The following RSBN1L variants were observed in gnomAD, a reference collection of about 807,000 sequenced individuals.
The protein encoded by RSBN1L is lysine-specific demethylase RSBN1L.
A neutral mutation model predicts 67.7 loss-of-function variants in RSBN1L; 30 were observed. That is an observed-to-expected ratio of 0.44 (90% CI 0.33 to 0.60). The LOEUF (loss-of-function observed/expected upper bound fraction) is 0.60. Ranked by LOEUF, RSBN1L falls within the 20% of genes least tolerant of loss-of-function variation. The pLI is 0.02. For synonymous variants in RSBN1L, 433 were observed against 387.0 expected (o/e 1.12, Z -1.39); for missense variants, 992 against 1,031.7 (o/e 0.96, Z 0.53).
At chr7:77,763,304 C>G (rs1562807997) in intron 3 of RSBN1L, among the ~76,000 whole-genome samples, 1 of 151,972 alleles carries the variant, frequency 6.6e-6, no homozygotes, top group Non-Finnish European at 1.5e-5. Flanking sequence ...AGATATATTT[C>G]AAAGCACTTG....
At chr7:77,752,804 C>T (rs1791571031) in intron 3 of RSBN1L, among the ~76,000 whole-genome samples, 1 of 152,194 alleles carries the variant, frequency 6.6e-6, no homozygotes, top group African/African-American at 2.4e-5. Context: ...GTGCCAACCC[C>T]CCAGTCCCAC....
chr7:77,765,232 C>G (rs1027771788), intron 3 of RSBN1L, among the ~76,000 whole-genome samples: 4 of 151,032 alleles, frequency 2.6e-5, no homozygotes, highest in African/African-American at 9.9e-5. Context: ...TGTCTTAACT[C>G]TGTTTTCATA....
intron 2 of RSBN1L, among the ~76,000 whole-genome samples, chr7:77,739,373 T>C (rs1791378322): frequency 6.6e-6 from 1 of 152,110 alleles, no homozygotes; most frequent in Non-Finnish European, 1.5e-5. Flanking sequence ...AAAATAGATG[T>C]CAAGTATGTC....
intron 1 of RSBN1L, among the ~76,000 whole-genome samples, chr7:77,717,436 G>C (rs1791062887): frequency 6.6e-6 from 1 of 152,116 alleles, no homozygotes; most frequent in African/African-American, 2.4e-5. Context: ...TGTTATAACA[G>C]TGAGAAGCTA....
chr7:77,773,433 G>A, intron 6 of RSBN1L, 119 bp downstream of exon 6: 1 of 631,216 alleles, frequency 1.6e-6, no homozygotes. Context: ...ACCCGTATTT[G>A]GATATCTTAA....
intron 2 of RSBN1L, among the ~76,000 whole-genome samples, chr7:77,741,701 AAAAAAG>A (rs1245183566): frequency 6.6e-6 from 1 of 151,902 alleles, no homozygotes; most frequent in Non-Finnish European, 1.5e-5. Flanking sequence ...CAAAAAAAAA[AAAAAAG>A]AAAAGAAAAG....
At chr7:77,746,611 C>A (rs954353756) in intron 2 of RSBN1L, among the ~76,000 whole-genome samples, 6 of 152,166 alleles carry the variant, frequency 3.9e-5, no homozygotes, top group Admixed American at 2.6e-4. Context: ...AACAGTCCCC[C>A]CAAATCTTAA....
At chr7:77,727,332 C>G (rs1791217639) in intron 1 of RSBN1L, among the ~76,000 whole-genome samples, 1 of 152,208 alleles carries the variant, frequency 6.6e-6, no homozygotes, top group Admixed American at 6.5e-5. Context: ...AGTGATCTGT[C>G]TGTCTCGGCC....
At chr7:77,710,640 G>T (rs1028511331) in intron 1 of RSBN1L, among the ~76,000 whole-genome samples, 7 of 152,086 alleles carry the variant, frequency 4.6e-5, no homozygotes, top group African/African-American at 1.4e-4. Flanking sequence ...CTGTTGCTCA[G>T]GTTGGAGTGT....
chr7:77,773,161 TA>T lies in RSBN1L; in HGVS notation c.1646del (p.Asn549IlefsTer27). Reference protein sequence around the residue: ...PFKRKRTTNEIKNLQYLPRTS... With the variant: ...PFKRKRTTNEXKNLQYLPRTS... ...TTAAAAAACAGAACTACCAATGAAA[TA>T]AAAAATCTTCAGTACCTACCTCGAA... On this transcript the variant is annotated frameshift_variant, in exon 6 of 8. Transcript: ENST00000334955. LOFTEE classifies it high-confidence loss of function. 1 of 1,583,622 alleles carries T rather than the reference TA, an allele frequency of 6.3e-7. No individual in the cohort carries two copies. The highest frequency in any genetic ancestry group is 8.6e-7 in the Non-Finnish European group (1 of 1,168,474).
intron 1 of RSBN1L, among the ~76,000 whole-genome samples, chr7:77,730,976 T>C (rs1264223110): frequency 1.3e-5 from 2 of 152,344 alleles, no homozygotes; most frequent in African/African-American, 2.4e-5. Context: ...GGCTGTACCA[T>C]TTTACATTCG....
chr7:77,768,818 C>G lies in RSBN1L; in HGVS notation c.1625+15C>G. 6.2e-7 allele frequency: 1 copy of G among 1,611,240 alleles called. No homozygotes were observed. The highest frequency in any genetic ancestry group is 8.5e-7 in the Non-Finnish European group (1 of 1,177,792). ...AAAAGGAAAAGGTATGTTGTATACA[C>G]ATTTTTATTGGAGGGGATGAGTGTT... On this transcript the variant is annotated intron_variant, in intron 5 of 7. Coordinates refer to ENST00000334955, the MANE Select transcript of RSBN1L (RefSeq NM_198467.3).
rs529678814 is a variant in RSBN1L at position 77,781,920 on chromosome 7, G to A, written c.*2752G>A. On this transcript the variant is annotated 3_prime_UTR_variant, in exon 8 of 8. Transcript: ENST00000334955. The stretch of plus-strand genomic sequence containing the variant: ...GAATTGCTTGAACCCGGGAGGAGAA[G>A]GTTGCAGTGAGCCGAGATCGCCCCA... The A allele has an allele frequency of 2.7e-5, 4 of 146,650 alleles. No homozygotes were observed. The Admixed American group carries it at 2.8e-4, about 10-fold the overall frequency. 9.1% of individuals were successfully genotyped at this position (146,650 alleles called of 1,614,324 possible). A position where few individuals can be genotyped will look rare whatever the true frequency, so the allele number is the denominator to read the frequency against.
At chr7:77,758,548 C>A (rs1791651809) in intron 3 of RSBN1L, among the ~76,000 whole-genome samples, 1 of 152,182 alleles carries the variant, frequency 6.6e-6, no homozygotes, top group Non-Finnish European at 1.5e-5. Flanking sequence ...TGACTATAGT[C>A]ACCCTGTTGT....
chr7:77,699,488 G>A (rs1345629463), intron 1 of RSBN1L, among the ~76,000 whole-genome samples: 3 of 152,180 alleles, frequency 2.0e-5, no homozygotes, highest in Admixed American at 6.5e-5. Context: ...ATAAGAAAGG[G>A]CCTAGCAGGG....
chr7:77,768,153 A>G (rs1007715618), intron 4 of RSBN1L, among the ~76,000 whole-genome samples: 11 of 151,906 alleles, frequency 7.2e-5, no homozygotes, highest in Non-Finnish European at 1.6e-4. Context: ...CTGCGCGCCC[A>G]GCCTTGTTCT....
intron 3 of RSBN1L, among the ~76,000 whole-genome samples, chr7:77,753,718 C>A (rs1791583196): frequency 6.6e-6 from 1 of 152,142 alleles, no homozygotes; most frequent in Non-Finnish European, 1.5e-5. Context: ...GTGAAGTTTT[C>A]TTCTGGAAAC....
intron 5 of RSBN1L, among the ~76,000 whole-genome samples, chr7:77,771,486 A>AAAATTGAT (rs1466451831): frequency 6.6e-6 from 1 of 151,100 alleles, no homozygotes; most frequent in African/African-American, 2.5e-5. Context: ...AGTAAATGGT[A>AAAATTGAT]AAATTGATGT....
chr7:77,746,398 C>A (rs1473444589), intron 2 of RSBN1L, among the ~76,000 whole-genome samples: 1 of 152,096 alleles, frequency 6.6e-6, no homozygotes, highest in Non-Finnish European at 1.5e-5. Context: ...ATGTCACTCA[C>A]AATGGTGATG....
Sources: allele counts gnomAD v4.1 joint callset (sites outside exome capture counted in the v4.1 genomes callset), GRCh38; gene constraint gnomAD v4.1.1; transcripts MANE v1.5; gene names NCBI Gene and HGNC (gene_info 2026-07-23, HGNC 2026-07-21).